CATSPERE: variants seen among roughly 807,000 people sequenced by gnomAD.
CATSPERE encodes cation channel sperm-associated auxiliary subunit epsilon.
In CATSPERE, 93 loss-of-function variants were observed where a neutral mutation model predicts 114.1. That is an observed-to-expected ratio of 0.81 (90% CI 0.69 to 0.97). The LOEUF is 0.97. Ranked by LOEUF, CATSPERE falls within the 50% of genes least tolerant of loss-of-function variation. The pLI, the probability that CATSPERE is intolerant of heterozygous loss-of-function variation, is 0.00. For missense variants in CATSPERE, 1,058 were observed against 1,131.6 expected (o/e 0.93, Z 0.93); for synonymous variants, 341 against 384.1 (o/e 0.89, Z 1.31).
intron 20 of CATSPERE, among the ~76,000 whole-genome samples, chr1:244,619,604 G>T (rs1558606155): frequency 6.6e-6 from 1 of 152,226 alleles, no homozygotes; most frequent in East Asian, 1.9e-4. Flanking sequence ...ATGCCATGGG[G>T]ACAAGAATAC....
At chr1:244,501,643 TTAAG>T (rs1353852818) in intron 7 of CATSPERE, among the ~76,000 whole-genome samples, 8 of 152,108 alleles carry the variant, frequency 5.3e-5, no homozygotes, top group Non-Finnish European at 1.0e-4. Flanking sequence ...ATTAAACACT[TTAAG>T]TATGATATTG....
intron 5 of CATSPERE, among the ~76,000 whole-genome samples, chr1:244,488,959 G>A (rs1671506115): frequency 6.6e-6 from 1 of 151,928 alleles, no homozygotes; most frequent in African/African-American, 2.4e-5. Context: ...ATTTTGTTTT[G>A]TGCATGATAA....
At chr1:244,477,479 G>A (rs1019327048) in intron 2 of CATSPERE, 62 bp from the exon 3 acceptor site, 17 of 887,756 alleles carry the variant, frequency 1.9e-5, no homozygotes, top group African/African-American at 6.8e-5. Context: ...ATCCTACAAC[G>A]GAACCCTGAG....
intron 8 of CATSPERE, among the ~76,000 whole-genome samples, chr1:244,530,805 T>G (rs1679458239): frequency 6.6e-6 from 1 of 152,200 alleles, no homozygotes; most frequent in Non-Finnish European, 1.5e-5. Context: ...TATTTCTTTT[T>G]CAGATTGTTT....
In CATSPERE at chr1:244,632,658, T is replaced by TATAAAAAAACCTATAAA. The variant is rs1674113576; in HGVS notation, c.2649-2825_2649-2824insAAACCTATAAAATAAAA. ...ACCACATTAGAAAAAGATACAAACCTATAAAAGCCAATAGGGAAGATAATG... is the reference window on the plus strand; with the variant it reads ...ACCACATTAGAAAAAGATACAAACCTATAAAAAAACCTATAAAATAAAAGCCAATAGGGAAGATAATG... On this transcript the variant is annotated intron_variant, in intron 20 of 21. Coordinates refer to ENST00000366534, the MANE Select transcript of CATSPERE (RefSeq NM_001130957.2). Among the ~76,000 whole-genome samples the TATAAAAAAACCTATAAA allele has an allele frequency of 1.1e-4, 16 of 151,416 alleles. No homozygotes were observed. In the South Asian group the frequency reaches 3.3e-3, roughly 32 times the overall value.
intron 17 of CATSPERE, among the ~76,000 whole-genome samples, chr1:244,596,022 A>T (rs774716572): frequency 1.1e-4 from 17 of 152,314 alleles, no homozygotes; most frequent in Admixed American, 2.6e-4. Context: ...AAGTAGGGAG[A>T]CCAGCTAGTC....
chr1:244,598,161 T>A (rs1314311436), intron 17 of CATSPERE, among the ~76,000 whole-genome samples: 2 of 152,194 alleles, frequency 1.3e-5, no homozygotes, highest in Non-Finnish European at 2.9e-5. Context: ...TTGTGAAAAG[T>A]TGGACGTTTC....
Position 244,552,764 on chromosome 1 carries a change from A to G in CATSPERE, c.979A>G (p.Ile327Val). 6.2e-7 allele frequency: 1 copy of G among 1,610,332 alleles called. No homozygotes were observed. Among genetic ancestry groups the G allele is most frequent in the Non-Finnish European group, 8.5e-7 (1 of 1,178,608 alleles). The change falls in exon 9 of 22, where the codon ATT becomes GTT. Residue 327 changes from isoleucine to valine, a missense_variant. Around this residue, in one of 2 missense-constraint regions of CATSPERE, gnomAD observed 787 missense variants for 905.6 expected, o/e 0.87. Coordinates refer to ENST00000366534, the MANE Select transcript of CATSPERE (RefSeq NM_001130957.2). ...AATTGTAAATCTTCCTGATGGTGGA[A>G]TTACTGGCATTTCATCAAGAAAATG... Reference protein sequence around the residue: ...GGIVNLPDGGITGISSRKWCW... With the variant: ...GGIVNLPDGGVTGISSRKWCW...
chr1:244,591,356 C>G (rs1572906085), intron 14 of CATSPERE, among the ~76,000 whole-genome samples: 2 of 152,042 alleles, frequency 1.3e-5, no homozygotes, highest in African/African-American at 4.8e-5. Context: ...ACCTCTGGAA[C>G]TTACTCCTCC....
chr1:244,568,319 G>T lies in CATSPERE; in HGVS notation c.1508-4011G>T, dbSNP rs374980783. On this transcript the variant is annotated intron_variant, in intron 10 of 21. Coordinates refer to ENST00000366534, the MANE Select transcript of CATSPERE (RefSeq NM_001130957.2). This position sits in a 1 kb window ranked among gnomAD's most constrained non-coding sequence, Gnocchi z 4.4. ...TGTCTTCCAGTCAGGAGACACAGGG[G>T]TCAGGGACCCACTTGAGGAAGCCGT... Among the ~76,000 whole-genome samples the T allele has an allele frequency of 9.2e-5, 14 of 152,336 alleles. No individual in the cohort carries two copies. The highest frequency in any genetic ancestry group is 2.6e-4 in the African/African-American group (11 of 41,576).
At chr1:244,531,460 G>A (rs1241782319) in intron 8 of CATSPERE, among the ~76,000 whole-genome samples, 1 of 152,090 alleles carries the variant, frequency 6.6e-6, no homozygotes, top group Non-Finnish European at 1.5e-5. Flanking sequence ...ACTAACTGTG[G>A]ATCTATCATA....
intron 10 of CATSPERE, among the ~76,000 whole-genome samples, chr1:244,566,104 T>C (rs1227497550): frequency 2.0e-5 from 3 of 152,256 alleles, no homozygotes; most frequent in Admixed American, 6.5e-5. Context: ...GAGCAGGTTA[T>C]TCAGATTCCA....
intron 20 of CATSPERE, among the ~76,000 whole-genome samples, chr1:244,622,497 G>A (rs1269281879): frequency 4.0e-5 from 6 of 150,606 alleles, no homozygotes; most frequent in African/African-American, 1.2e-4. Flanking sequence ...TCCACCTCCC[G>A]GGTTCAAGAG....
At chr1:244,639,902 CCTTT>C in intron 21 of CATSPERE, 22 bp from the exon 22 acceptor site, 1 of 1,255,892 alleles carries the variant, frequency 8.0e-7, no homozygotes. Context: ...ACTTCTAATG[CCTTT>C]TTTTTTTTTT....
At position 244,463,413 on chromosome 1, in the gene CATSPERE, G is replaced by A. The variant is rs567507845; in HGVS notation, c.66-495G>A. On this transcript the variant is annotated intron_variant, in intron 1 of 21. Coordinates refer to ENST00000366534, the MANE Select transcript of CATSPERE (RefSeq NM_001130957.2). ...AAATTAGCTGGGCGTGGTGGCATGC[G>A]CCTGTAGTCCCAGCTATTCGGGAGG... 6.8e-4 allele frequency among the ~76,000 whole-genome samples: 104 copies of A among 152,078 alleles called. 1 individual carries two copies. Among genetic ancestry groups the A allele is most frequent in the South Asian group, 6.0e-3 (29 of 4,828 alleles).
At chr1:244,528,787 A>ACG (rs57165279) in intron 8 of CATSPERE, among the ~76,000 whole-genome samples, 2,749 of 129,878 alleles carry the variant, frequency 0.021, 104 homozygotes, top group African/African-American at 0.075. Flanking sequence ...ATCCCCCACC[A>ACG]CACACACACA....
rs565096373 is a variant in CATSPERE at position 244,573,365 on chromosome 1, C to G, written c.1950+593C>G. Among the ~76,000 whole-genome samples the G allele has an allele frequency of 6.6e-6, 1 of 151,024 alleles. No individual in the cohort carries two copies. Among genetic ancestry groups the G allele is most frequent in the African/African-American group, 2.4e-5 (1 of 41,078 alleles). ...GGTGGAGGTTGCAGTGAGCCGAGAT[C>G]ACACCACTGCACTCCAGCCTGGGTG... On this transcript the variant is annotated intron_variant, in intron 11 of 21. Coordinates refer to ENST00000366534, the MANE Select transcript of CATSPERE (RefSeq NM_001130957.2). This position sits in a 1 kb window ranked among gnomAD's most constrained non-coding sequence, Gnocchi z 4.0.
chr1:244,490,395 C>T (rs1441961939), intron 5 of CATSPERE, 52 bp from the exon 6 acceptor site: 4 of 1,255,842 alleles, frequency 3.2e-6, no homozygotes, highest in Non-Finnish European at 4.6e-6. Context: ...AATATTCGAC[C>T]TAATGTTTAA....
At chr1:244,515,215 C>T (rs1242490327) in intron 7 of CATSPERE, 17 of 413,932 alleles carry the variant, frequency 4.1e-5, no homozygotes, top group Non-Finnish European at 5.5e-5. Context: ...CTGTCAATTC[C>T]TCAAGCATAG....
Sources: gnomAD v4.1 joint callset for allele counts (sites outside exome capture counted in the v4.1 genomes callset) on GRCh38, gnomAD v4.1.1 for gene constraint, gnomAD v4.1.1 regional missense constraint, Gnocchi (gnomAD v3.1) non-coding constraint, MANE v1.5 for transcripts, NCBI Gene and HGNC (gene_info 2026-07-23, HGNC 2026-07-21) for gene names.